Variants in CCDC148 observed in about 807,000 individuals in gnomAD.
CCDC148 encodes the protein coiled-coil domain-containing protein 148.
CCDC148 carries 89 observed loss-of-function variants against 85.7 expected under a neutral mutation model. That is an observed-to-expected ratio of 1.04 (90% CI 0.87 to 1.24). The LOEUF (loss-of-function observed/expected upper bound fraction) is 1.24, where lower values mean the gene tolerates loss of function less well. CCDC148 is among the 50% of genes most tolerant of loss of function. The pLI, the probability that CCDC148 is intolerant of heterozygous loss-of-function variation, is 0.00. For missense variants in CCDC148, 692 were observed against 671.7 expected (o/e 1.03, Z -0.33); for synonymous variants, 230 against 213.9 (o/e 1.08, Z -0.66).
chr2:158,183,754 T>C (rs1429562616), intron 11 of CCDC148, among the ~76,000 whole-genome samples: 2 of 152,142 alleles, frequency 1.3e-5, no homozygotes, highest in Non-Finnish European at 1.5e-5. Flanking sequence ...GCTTAGTCAA[T>C]ATGCAACAAG....
chr2:158,417,648 G>A (rs1253102414), intron 1 of CCDC148, among the ~76,000 whole-genome samples: 1 of 152,140 alleles, frequency 6.6e-6, no homozygotes, highest in East Asian at 1.9e-4. Flanking sequence ...GTGGTCTCAA[G>A]GCTCTTGCCT....
At chr2:158,224,900 G>A (rs1289506430) in intron 10 of CCDC148, among the ~76,000 whole-genome samples, 5 of 151,848 alleles carry the variant, frequency 3.3e-5, no homozygotes, top group African/African-American at 9.7e-5. Context: ...ATCAACTAAC[G>A]AGCAAACTAA....
intron 7 of CCDC148, among the ~76,000 whole-genome samples, chr2:158,319,693 T>G (rs1244173941): frequency 2.6e-5 from 4 of 152,196 alleles, no homozygotes; most frequent in African/African-American, 9.7e-5. Context: ...GACAGCAAAC[T>G]GAAAAAGAGA....
intron 1 of CCDC148, among the ~76,000 whole-genome samples, chr2:158,439,160 T>C (rs1687813736): frequency 1.3e-5 from 2 of 152,160 alleles, no homozygotes; most frequent in African/African-American, 2.4e-5. Flanking sequence ...CATGCTGCTA[T>C]AAAGACACAT....
chr2:158,288,217 A>T (rs1690724319), intron 9 of CCDC148, among the ~76,000 whole-genome samples: 1 of 152,112 alleles, frequency 6.6e-6, no homozygotes, highest in Admixed American at 6.5e-5. Context: ...TGTTGTGAAG[A>T]CCTCTGACAT....
intron 1 of CCDC148, among the ~76,000 whole-genome samples, chr2:158,434,290 G>A (rs7601621): frequency 0.17 from 25,240 of 152,008 alleles, 2,227 homozygotes; most frequent in Middle Eastern, 0.21. Context: ...GAAGGATCAG[G>A]CAGCAACATT....
chr2:158,354,813 G>A (rs1683535714), intron 2 of CCDC148, among the ~76,000 whole-genome samples: 3 of 150,818 alleles, frequency 2.0e-5, no homozygotes, highest in African/African-American at 4.9e-5. Flanking sequence ...GATGAACATT[G>A]ATGCAAAAAT....
intron 9 of CCDC148, among the ~76,000 whole-genome samples, chr2:158,297,608 TGCACACAG>T (rs974862357): frequency 6.6e-6 from 1 of 152,174 alleles, no homozygotes; most frequent in Admixed American, 6.5e-5. Flanking sequence ...AGTTTTTAGT[TGCACACAG>T]CAGAATCCAC....
intron 9 of CCDC148, among the ~76,000 whole-genome samples, chr2:158,284,520 C>T (rs187109271): frequency 1.3e-3 from 202 of 152,124 alleles, no homozygotes; most frequent in Non-Finnish European, 2.2e-3. Context: ...GGGCATTCAC[C>T]AACTCAGGGA....
intron 11 of CCDC148, among the ~76,000 whole-genome samples, chr2:158,218,593 T>G (rs558128641): frequency 1.3e-5 from 2 of 152,352 alleles, no homozygotes; most frequent in South Asian, 4.1e-4. Flanking sequence ...TGTATCCTAA[T>G]GCTGGAACTA....
At chr2:158,331,658 A>T (rs1271211237) in intron 7 of CCDC148, among the ~76,000 whole-genome samples, 1 of 151,992 alleles carries the variant, frequency 6.6e-6, no homozygotes, top group Non-Finnish European at 1.5e-5. Context: ...TTTGTAGGTC[A>T]CTCAGGACTT....
chr2:158,199,809 A>G (rs1685861350), intron 11 of CCDC148, among the ~76,000 whole-genome samples: 1 of 152,204 alleles, frequency 6.6e-6, no homozygotes, highest in South Asian at 2.1e-4. Flanking sequence ...TTGAAAATAA[A>G]AAGGGTCAAA....
At chr2:158,455,909 C>T (rs1287718686) in intron 1 of CCDC148, among the ~76,000 whole-genome samples, 1 of 152,110 alleles carries the variant, frequency 6.6e-6, no homozygotes, top group South Asian at 2.1e-4. Context: ...AGGTTATTTC[C>T]ATATCAAATT....
intron 8 of CCDC148, among the ~76,000 whole-genome samples, chr2:158,311,219 C>T (rs976322607): frequency 7.2e-5 from 11 of 152,354 alleles, no homozygotes; most frequent in African/African-American, 1.4e-4. Flanking sequence ...TCTGCAATCC[C>T]GGCACCTCGG....
chr2:158,320,654 A>C (rs1692479521), intron 7 of CCDC148, among the ~76,000 whole-genome samples: 1 of 152,182 alleles, frequency 6.6e-6, no homozygotes, highest in Non-Finnish European at 1.5e-5. Flanking sequence ...TCCAATAACA[A>C]ATGTCAGTTG....
intron 1 of CCDC148, among the ~76,000 whole-genome samples, chr2:158,419,422 T>C (rs914312353): frequency 2.0e-5 from 3 of 152,212 alleles, no homozygotes; most frequent in Non-Finnish European, 4.4e-5. Flanking sequence ...TTTTCCATGA[T>C]AAAACCAGGA....
chr2:158,412,216 A>G (rs1235379117), intron 1 of CCDC148, among the ~76,000 whole-genome samples: 4 of 152,168 alleles, frequency 2.6e-5, no homozygotes, highest in African/African-American at 9.7e-5. Flanking sequence ...AGGTGATGGG[A>G]TAACACAGGT....
intron 9 of CCDC148, among the ~76,000 whole-genome samples, chr2:158,282,695 C>G (rs1331463351): frequency 6.6e-6 from 1 of 152,096 alleles, no homozygotes; most frequent in Non-Finnish European, 1.5e-5. Context: ...TGAAAATGGC[C>G]ATACTGCCCA....
chr2:158,338,859 G>T lies in CCDC148; in HGVS notation c.631C>A (p.Pro211Thr), dbSNP rs771590238. The T allele has an allele frequency of 2.5e-6, 4 of 1,611,872 alleles. No individual in the cohort carries two copies. The highest frequency in any genetic ancestry group is 3.4e-6 in the Non-Finnish European group (4 of 1,179,448). The stretch of plus-strand genomic sequence containing the variant: ...CATTCCAAACTTTCTAATTCAATGG[G>T]CAGTTCACTAAGCGGGTTAGTCTTT... ...EEKTNPLSEL[P>T]IELESLECPY... is the part of the protein sequence containing the mutation. The change falls in exon 7 of 14, where the codon CCC becomes ACC. Residue 211 changes from proline (P) to threonine (T), a missense_variant. Transcript: ENST00000283233.
Sources: allele counts gnomAD v4.1 joint callset (sites outside exome capture counted in the v4.1 genomes callset), GRCh38; gene constraint gnomAD v4.1.1; transcripts MANE v1.5; gene names NCBI Gene and HGNC (gene_info 2026-07-23, HGNC 2026-07-21).